NCAM2: variants seen among roughly 807,000 people sequenced by gnomAD.
NCAM2 encodes the protein neural cell adhesion molecule 2.
A neutral mutation model predicts 98.1 loss-of-function variants in NCAM2; 30 were observed. The observed-to-expected ratio is 0.31, with a 90% CI of 0.23 to 0.41. NCAM2 has a LOEUF of 0.41. Ranked by LOEUF, NCAM2 falls within the 10% of genes least tolerant of loss-of-function variation. The pLI, the probability that NCAM2 is intolerant of heterozygous loss-of-function variation, is 1.00. For synonymous variants in NCAM2, 368 were observed against 342.4 expected (o/e 1.07, Z -0.83); for missense variants, 867 against 1,005.8 (o/e 0.86, Z 1.87).
At chr21:21,308,884 A>G (rs1021366789) in intron 5 of NCAM2, among the ~76,000 whole-genome samples, 1 of 150,716 alleles carries the variant, frequency 6.6e-6, no homozygotes, top group Non-Finnish European at 1.5e-5. Flanking sequence ...ATTCTCTCTT[A>G]TTACATGTTC....
intron 1 of NCAM2, among the ~76,000 whole-genome samples, chr21:21,017,837 ATTTG>A (rs999981947): frequency 2.6e-5 from 4 of 152,180 alleles, no homozygotes; most frequent in South Asian, 2.1e-4. Context: ...TAACATATAT[ATTTG>A]TTTGTATAGG....
At chr21:21,404,163 A>G (rs187960574) in intron 9 of NCAM2, among the ~76,000 whole-genome samples, 384 of 152,296 alleles carry the variant, frequency 2.5e-3, no homozygotes, top group African/African-American at 8.9e-3. Flanking sequence ...AACAAATAAA[A>G]TAGATAACTC....
intron 16 of NCAM2, among the ~76,000 whole-genome samples, chr21:21,521,045 C>T (rs1988988320): frequency 6.6e-6 from 1 of 152,124 alleles, no homozygotes. Context: ...TTAACAAAGT[C>T]TACTCTCAGA....
chr21:21,172,253 A>T (rs972500590), intron 1 of NCAM2, among the ~76,000 whole-genome samples: 1 of 152,132 alleles, frequency 6.6e-6, no homozygotes, highest in Non-Finnish European at 1.5e-5. Flanking sequence ...CAAAAATTTT[A>T]AAAAAGTTTT....
At chr21:21,395,466 A>G (rs560682732) in intron 9 of NCAM2, among the ~76,000 whole-genome samples, 26 of 152,348 alleles carry the variant, frequency 1.7e-4, no homozygotes, top group East Asian at 3.9e-4. Flanking sequence ...TACAAATTCA[A>G]TGCAATTCTC....
intron 16 of NCAM2, among the ~76,000 whole-genome samples, chr21:21,510,647 C>T (rs1274091206): frequency 9.2e-5 from 14 of 151,982 alleles, no homozygotes. Flanking sequence ...GTATCATTTA[C>T]ACCTTAAATT....
intron 10 of NCAM2, among the ~76,000 whole-genome samples, chr21:21,414,473 G>GT (rs35280147): frequency 0.7 from 95,480 of 137,314 alleles, 33,261 homozygotes; most frequent in East Asian, 0.8. Flanking sequence ...TTTGTTGTGT[G>GT]TTTTTTTTTT....
chr21:21,353,865 C>CA (rs1421920919), intron 8 of NCAM2, among the ~76,000 whole-genome samples: 6 of 152,104 alleles, frequency 3.9e-5, no homozygotes, highest in Non-Finnish European at 8.8e-5. Context: ...CTCCACAAAA[C>CA]AAGTTATTGA....
intron 15 of NCAM2, among the ~76,000 whole-genome samples, chr21:21,481,115 T>G (rs1985844644): frequency 6.6e-6 from 1 of 152,176 alleles, no homozygotes; most frequent in Non-Finnish European, 1.5e-5. Flanking sequence ...GCCTAAAATA[T>G]CTGAAGAGGG....
At chr21:21,251,257 A>T (rs910332040) in intron 1 of NCAM2, among the ~76,000 whole-genome samples, 1 of 152,054 alleles carries the variant, frequency 6.6e-6, no homozygotes, top group Non-Finnish European at 1.5e-5. Flanking sequence ...TGCACCCATC[A>T]ACTCATCATC....
chr21:21,531,216 G>A (rs909565059), intron 16 of NCAM2, among the ~76,000 whole-genome samples: 41 of 152,056 alleles, frequency 2.7e-4, no homozygotes, highest in Non-Finnish European at 4.9e-4. Flanking sequence ...TTTATATGAT[G>A]CTATTTATTA....
Position 21,438,746 on chromosome 21 carries a change from C to CT in NCAM2, c.1654+6474dup, listed in dbSNP as rs200415068. Among the ~76,000 whole-genome samples, 854 of 150,814 alleles carry CT rather than the reference C, an allele frequency of 5.7e-3. 9 individuals are homozygous for CT. Among genetic ancestry groups the CT allele is most frequent in the African/African-American group, 0.02 (802 of 41,088 alleles). ...AATACTAATCTTACAAACAGCTACT[C>CT]TTTTTTTTTCAGTTTTCTTAATACA... On this transcript the variant is annotated intron_variant, in intron 12 of 17. Transcript: ENST00000400546.
chr21:21,300,448 T>C (rs2073672362), intron 5 of NCAM2, among the ~76,000 whole-genome samples: 1 of 152,056 alleles, frequency 6.6e-6, no homozygotes, highest in Non-Finnish European at 1.5e-5. Context: ...TAAATTCCAA[T>C]GTCCTTACCT....
At chr21:21,118,493 A>T (rs1329230940) in intron 1 of NCAM2, among the ~76,000 whole-genome samples, 1 of 152,066 alleles carries the variant, frequency 6.6e-6, no homozygotes, top group African/African-American at 2.4e-5. Flanking sequence ...GGGGTGAGGG[A>T]CCTTGTAGGT....
At chr21:21,476,767 T>G (rs1985222027) in intron 14 of NCAM2, among the ~76,000 whole-genome samples, 1 of 152,078 alleles carries the variant, frequency 6.6e-6, no homozygotes, top group Non-Finnish European at 1.5e-5. Context: ...TGTATATTAT[T>G]TTATGTCATA....
At chr21:21,309,815 G>A (rs1171542159) in intron 5 of NCAM2, among the ~76,000 whole-genome samples, 1 of 150,012 alleles carries the variant, frequency 6.7e-6, no homozygotes, top group South Asian at 2.1e-4. Context: ...TAGACAGTAA[G>A]CTGAGACACA....
intron 8 of NCAM2, among the ~76,000 whole-genome samples, chr21:21,344,797 G>A (rs1404106437): frequency 1.3e-5 from 2 of 152,150 alleles, no homozygotes; most frequent in Non-Finnish European, 1.5e-5. Flanking sequence ...GCAGTAGCCA[G>A]GGAGAGGTTA....
chr21:21,338,462 G>A lies in NCAM2; in HGVS notation c.972G>A (p.Ala324=), dbSNP rs192323183. ...ENGQVTLVCD[A]EGEPIPEITW... ...GTCAAGTCACACTCGTATGTGATGC[G>A]GAAGGGGAGCCTATTCCAGAAATCA... The change falls in exon 8 of 18, where the codon GCG becomes GCA. Residue 324 remains alanine, a synonymous_variant. Coordinates refer to ENST00000400546, the MANE Select transcript of NCAM2 (RefSeq NM_004540.5). The A allele has an allele frequency of 9.9e-6, 16 of 1,612,742 alleles. No homozygotes were observed. Among genetic ancestry groups the A allele is most frequent in the African/African-American group, 2.7e-5 (2 of 74,950 alleles).
At chr21:21,353,524 C>T (rs567216621) in intron 8 of NCAM2, among the ~76,000 whole-genome samples, 2 of 152,268 alleles carry the variant, frequency 1.3e-5, no homozygotes, top group South Asian at 4.1e-4. Context: ...GGCGAGTGCA[C>T]ATAAGGTCTC....
Sources: allele counts gnomAD v4.1 joint callset (sites outside exome capture counted in the v4.1 genomes callset), GRCh38; gene constraint gnomAD v4.1.1; transcripts MANE v1.5; gene names NCBI Gene and HGNC (gene_info 2026-07-23, HGNC 2026-07-21).